DNAH2: variants seen among roughly 807,000 people sequenced by gnomAD.
The protein encoded by DNAH2 is dynein axonemal heavy chain 2, also known as axonemal beta dynein heavy chain 2.
DNAH2 carries 323 observed loss-of-function variants against 523.5 expected under a neutral mutation model. The observed-to-expected ratio is 0.62, with a 90% CI of 0.56 to 0.68. The LOEUF (loss-of-function observed/expected upper bound fraction) is 0.68. Ranked by LOEUF, DNAH2 falls within the 30% of genes least tolerant of loss-of-function variation. The pLI is 0.00. For missense variants in DNAH2, 4,907 were observed against 5,701.5 expected (o/e 0.86, Z 4.49); for synonymous variants, 2,093 against 2,177.4 (o/e 0.96, Z 1.08).
At chr17:7,800,343 G>C (rs1018463656) in intron 56 of DNAH2, among the ~76,000 whole-genome samples, 1 of 152,020 alleles carries the variant, frequency 6.6e-6, no homozygotes. Flanking sequence ...GAGCCACCGC[G>C]CCCAGCTACC....
chr17:7,818,995 G>T lies in DNAH2; in HGVS notation c.10747G>T (p.Ala3583Ser). ...VNTLHTSKIT[A>S]TEVTEQLETS... is the part of the protein sequence containing the mutation. Reference sequence around the variant, plus strand: ...CACGCTGCATACCTCCAAGATCACAGCCACAGAGGTGACTGAGCAGCTGGA... The same window carrying T: ...CACGCTGCATACCTCCAAGATCACATCCACAGAGGTGACTGAGCAGCTGGA... The change falls in exon 71 of 86, where the codon GCC becomes TCC. Residue 3583 changes from alanine to serine, a missense_variant. Physicochemically the swap from Ala to Ser is moderately conservative, Grantham distance 99. This residue lies in a region of DNAH2 where 1,851 missense variants were observed against 2,139.4 expected (regional missense o/e 0.87). Transcript: ENST00000572933. 6.2e-7 allele frequency: 1 copy of T among 1,611,268 alleles called. No individual in the cohort carries two copies.
chr17:7,775,109 T>C (rs896052070), intron 29 of DNAH2, 132 bp from the exon 30 acceptor site: 29 of 1,234,524 alleles, frequency 2.3e-5, no homozygotes, highest in Non-Finnish European at 3.3e-5. Context: ...CTCAGGGGGA[T>C]AGAACTTCTT....
chr17:7,820,390 T>A (rs2077819150), intron 72 of DNAH2, among the ~76,000 whole-genome samples: 1 of 152,220 alleles, frequency 6.6e-6, no homozygotes, highest in East Asian at 1.9e-4. Flanking sequence ...TTGGCCCCTG[T>A]GGCCCACGAA....
chr17:7,828,449 A>AT lies in DNAH2; in HGVS notation c.11854-1845dup, dbSNP rs1292800733. 1.3e-5 allele frequency among the ~76,000 whole-genome samples: 2 copies of AT among 151,852 alleles called. No individual in the cohort carries two copies. Among genetic ancestry groups the AT allele is most frequent in the Admixed American group, 6.6e-5 (1 of 15,248 alleles). ...TTTAAGTATATTTCTCCATTTATTC[A>AT]TTTTTTCCTCTTTTTTTAGACAGAG... is the stretch of plus-strand genomic sequence containing the variant. On this transcript the variant is annotated intron_variant, in intron 77 of 85. Transcript: ENST00000572933. This position sits in a 1 kb window ranked among gnomAD's most constrained non-coding sequence, Gnocchi z 4.1.
At chr17:7,791,296 C>T (rs557453768) in intron 44 of DNAH2, among the ~76,000 whole-genome samples, 1 of 152,032 alleles carries the variant, frequency 6.6e-6, no homozygotes, top group Non-Finnish European at 1.5e-5. Context: ...GTCTCGAACT[C>T]GTGACCTCAG....
At chr17:7,792,930 C>A in intron 47 of DNAH2, 51 bp from the exon 48 acceptor site, 1 of 1,602,600 alleles carries the variant, frequency 6.2e-7, no homozygotes, top group South Asian at 1.1e-5. Context: ...CCTCTCTAAG[C>A]CCGTATTTCT....
At position 7,727,237 on chromosome 17, in the gene DNAH2, C is replaced by A. The variant is rs1567603616; in HGVS notation, c.344C>A (p.Thr115Asn). ...CAGGACCCTACAGAATCCATCCTCACCATCTTCATTGACCCTTGTTTTGGG... is the reference window on the plus strand; with the variant it reads ...CAGGACCCTACAGAATCCATCCTCAACATCTTCATTGACCCTTGTTTTGGG... ...FAQDPTESILTIFIDPCFGLK... is the reference protein window; with the variant it reads ...FAQDPTESILNIFIDPCFGLK... The change falls in exon 4 of 86, where the codon ACC becomes AAC. Residue 115 changes from threonine to asparagine, a missense_variant. Thr to Asn is a moderately conservative substitution (Grantham distance 65). Around this residue, in one of 3 missense-constraint regions of DNAH2, gnomAD observed 2,806 missense variants for 3,190.8 expected, o/e 0.88. Transcript: ENST00000572933. The A allele has an allele frequency of 1.9e-6, 3 of 1,612,084 alleles. No individual in the cohort carries two copies. Among genetic ancestry groups the A allele is most frequent in the Non-Finnish European group, 1.7e-6 (2 of 1,179,156 alleles).
At chr17:7,722,231 C>T (rs2074637688) in intron 2 of DNAH2, among the ~76,000 whole-genome samples, 1 of 152,006 alleles carries the variant, frequency 6.6e-6, no homozygotes, top group African/African-American at 2.4e-5. Context: ...TCTCGAACGC[C>T]TGACTTCGGG....
chr17:7,734,999 G>A (rs1020868708), intron 7 of DNAH2, among the ~76,000 whole-genome samples: 7 of 152,040 alleles, frequency 4.6e-5, no homozygotes, highest in African/African-American at 9.7e-5. Flanking sequence ...ACTAGACAGC[G>A]TGGGAGCCAA....
chr17:7,807,029 T>A lies in DNAH2; in HGVS notation c.9443-121T>A. 8.4e-7 allele frequency: 1 copy of A among 1,195,454 alleles called. No homozygotes were observed. Among genetic ancestry groups the A allele is most frequent in the South Asian group, 1.5e-5 (1 of 68,872 alleles). 74.1% of individuals were successfully genotyped at this position (1,195,454 alleles called of 1,614,324 possible). A position where few individuals can be genotyped will look rare whatever the true frequency, so the allele number is the denominator to read the frequency against. On this transcript the variant is annotated intron_variant, in intron 61 of 85. Coordinates refer to ENST00000572933, the MANE Select transcript of DNAH2 (RefSeq NM_020877.5). The surrounding 1 kb of genome is among the most constrained non-coding windows in gnomAD (Gnocchi z 5.6). ...AGGAACTAGGGGCCAGGTCAGATAA[T>A]TTGGCCTTAGGAACTGAGCCCAGGA...
intron 12 of DNAH2, 21 bp downstream of exon 12, chr17:7,743,163 C>T (rs998901370): frequency 8.7e-6 from 14 of 1,610,500 alleles, no homozygotes; most frequent in African/African-American, 1.3e-5. Context: ...CACCTGGCCC[C>T]TTTTCCCTAT....
At position 7,757,242 on chromosome 17, in the gene DNAH2, G is replaced by A. The variant is rs1014156989; in HGVS notation, c.2051+5G>A. The A allele has an allele frequency of 6.2e-7, 1 of 1,613,746 alleles. No individual in the cohort carries two copies. ...CGTTGCTAGAGACTACAATAGGTAG[G>A]GCTTCAGTCCTCACTGCAGCCCTTC... On this transcript the variant is annotated splice_donor_5th_base_variant and intron_variant, in intron 13 of 85. Coordinates refer to ENST00000572933, the MANE Select transcript of DNAH2 (RefSeq NM_020877.5).
In DNAH2 at chr17:7,817,398, C is replaced by T. The variant is rs769833672; in HGVS notation, c.10003C>T (p.Gln3335Ter). 4.3e-6 allele frequency: 7 copies of T among 1,613,904 alleles called. No individual in the cohort carries two copies. The highest frequency in any genetic ancestry group is 5.9e-6 in the Non-Finnish European group (7 of 1,179,984). ...CAACTACCGGGATGAGATTGTCAAC[C>T]AAATCTGGATCGGGAAGGTGAGATG... ...LTNYRDEIVNQIWIGKIWELQ... is the reference protein window; with the variant it reads ...LTNYRDEIVN Residue 3335 changes from glutamine to a stop codon, truncating the protein, a stop_gained, in exon 65 of 86, where the codon CAA becomes TAA. Transcript: ENST00000572933. LOFTEE classifies it high-confidence loss of function.
rs915761516 is a variant in DNAH2, at chr17:7,798,446, T to C, written c.8399-112T>C. The C allele has an allele frequency of 6.5e-7, 1 of 1,538,300 alleles. No individual in the cohort carries two copies. The highest frequency in any genetic ancestry group is 8.8e-7 in the Non-Finnish European group (1 of 1,142,268). ...TGTCTGGCCCGTGTTGGGTGTAGGA[T>C]GGTGTCGCGTGTATGCTGCGGGGCG... is the stretch of plus-strand genomic sequence containing the variant. On this transcript the variant is annotated intron_variant, in intron 54 of 85. Coordinates refer to ENST00000572933, the MANE Select transcript of DNAH2 (RefSeq NM_020877.5). This position sits in a 1 kb window ranked among gnomAD's most constrained non-coding sequence, Gnocchi z 5.5.
Position 7,759,587 on chromosome 17 carries a change from G to A in DNAH2, c.2614G>A (p.Asp872Asn), listed in dbSNP as rs1312696438. The change falls in exon 16 of 86, where the codon GAT becomes AAT. Residue 872 changes from aspartate to asparagine, a missense_variant. Physicochemically the swap from Asp to Asn is conservative, Grantham distance 23. Coordinates refer to ENST00000572933, the MANE Select transcript of DNAH2 (RefSeq NM_020877.5). ...CCAAGTCCTTGTCATTTTGAAGAAT[G>A]ATCTGCAAGGAAGTGTGGCACAGGT... ...LFQVLVILKNDLQGSVAQVEF... is the reference protein window; with the variant it reads ...LFQVLVILKNNLQGSVAQVEF... 1.2e-6 allele frequency: 2 copies of A among 1,614,122 alleles called. No homozygotes were observed. Among genetic ancestry groups the A allele is most frequent in the Non-Finnish European group, 1.7e-6 (2 of 1,179,996 alleles).
rs1258137096 is a variant in DNAH2 at position 7,832,854 on chromosome 17, G to C, written c.12904G>C (p.Val4302Leu). The C allele has an allele frequency of 2.8e-5, 46 of 1,614,214 alleles. No individual in the cohort carries two copies. The highest frequency in any genetic ancestry group is 3.8e-5 in the Non-Finnish European group (45 of 1,180,040). Residue 4302 changes from valine (V) to leucine (L), a missense_variant and splice_region_variant, in exon 84 of 86, where the codon GTT (valine) becomes CTT (leucine). By Grantham distance (32) the Val-to-Leu change is conservative (BLOSUM62 1). Around this residue, in one of 3 missense-constraint regions of DNAH2, gnomAD observed 1,851 missense variants for 2,139.4 expected, o/e 0.87. Transcript: ENST00000572933. The surrounding 1 kb of genome is among the most constrained non-coding windows in gnomAD (Gnocchi z 4.3). ...VLQSSARQNN[V>L]SVDSLSWEFI... The stretch of plus-strand genomic sequence containing the variant: ...TCTTATTCTCACCTTCAACCCCCAG[G>C]TTTCAGTGGACAGCCTCTCCTGGGA...
At chr17:7,752,479 G>A (rs2075714314) in intron 12 of DNAH2, among the ~76,000 whole-genome samples, 1 of 152,160 alleles carries the variant, frequency 6.6e-6, no homozygotes. Flanking sequence ...GGGAGGCCGA[G>A]GCGGGCGGAT....
At position 7,719,864 on chromosome 17, in the gene DNAH2, C is replaced by T. The variant is rs375666932; in HGVS notation, c.130C>T (p.Pro44Ser). 1.3e-6 allele frequency: 2 copies of T among 1,589,222 alleles called. No homozygotes were observed. Among genetic ancestry groups the T allele is most frequent in the African/African-American group, 2.7e-5 (2 of 74,458 alleles). ...GGGGAATGCCCCGGCTGTCAGTGAG[C>T]CAGAGCTGCAGGCTGAGCTCCCCAA... ...EQGNAPAVSE[P>S]ELQAELPKEE... The change falls in exon 2 of 86, where the codon CCA (proline) becomes TCA (serine). Residue 44 changes from proline (P) to serine (S), a missense_variant. By Grantham distance (74) the Pro-to-Ser change is moderately conservative. Transcript: ENST00000572933.
chr17:7,739,123 T>A (rs544888677), intron 8 of DNAH2: 1 of 619,662 alleles, frequency 1.6e-6, no homozygotes, highest in East Asian at 2.9e-5. Flanking sequence ...ATTGAACTTA[T>A]GGCCAGGCGC....
Sources: allele counts gnomAD v4.1 joint callset (sites outside exome capture counted in the v4.1 genomes callset), GRCh38; gene constraint gnomAD v4.1.1; regional missense constraint gnomAD v4.1.1; non-coding constraint Gnocchi (gnomAD v3.1); transcripts MANE v1.5; gene names NCBI Gene and HGNC (gene_info 2026-07-23, HGNC 2026-07-21).